BTAF1: variants seen among roughly 807,000 people sequenced by gnomAD.
BTAF1 encodes the protein B-TFIID TATA-box binding protein associated factor 1, also known as TATA-binding protein-associated factor 172.
Under a neutral mutation model 227.1 loss-of-function variants are expected in BTAF1, and 38 were observed. The ratio of observed to expected loss-of-function variants is 0.17; its 90% CI spans 0.13 to 0.22. The LOEUF (loss-of-function observed/expected upper bound fraction) is 0.22, where lower values mean the gene tolerates loss of function less well. Ranked by LOEUF, BTAF1 falls within the 10% of genes least tolerant of loss-of-function variation. The probability of loss-of-function intolerance (pLI) is 1.00; values close to 1 mark genes in which losing one functional copy is unlikely to be tolerated. For missense variants in BTAF1, 1,598 were observed against 2,204.0 expected (o/e 0.73, Z 5.51); for synonymous variants, 742 against 751.9 (o/e 0.99, Z 0.21).
rs748237391 is a variant in BTAF1, at chr10:91,989,629, TGTTTTTGTTTAC to T, written c.2854+50_2854+61del. On this transcript the variant is annotated intron_variant, in intron 20 of 37. Transcript: ENST00000265990. ...GGGTAGAGAAATAACCTTTTAAATT[TGTTTTTGTTTAC>T]TTATGGGTATAATTTAAGCACAAAT... 3.3e-6 allele frequency: 5 copies of T among 1,492,834 alleles called. 1 individual carries two copies. In the South Asian group the frequency reaches 6.8e-5, roughly 20 times the overall value. The allele number at this position is 1,492,834 out of a possible 1,614,324, so 92.5% of individuals were successfully genotyped here. A position where few individuals can be genotyped will look rare whatever the true frequency, so the allele number is the denominator to read the frequency against.
chr10:91,924,152 A>G (rs1843667905), intron 1 of BTAF1, 62 bp downstream of exon 1: 1 of 1,584,542 alleles, frequency 6.3e-7, no homozygotes. Context: ...GTCTCCTCTT[A>G]GAGCCCCCAC....
At position 91,959,738 on chromosome 10, in the gene BTAF1, G is replaced by GTATATATATATATA. The variant is rs1421248732; in HGVS notation, c.991-46_991-45insATATATATATATAT. 6 of 359,062 alleles carry GTATATATATATATA rather than the reference G, an allele frequency of 1.7e-5. No individual in the cohort carries two copies. The African/African-American group carries it at 1.9e-4, about 11-fold the overall frequency. The allele number at this position is 359,062 out of a possible 1,614,324, so 22.2% of individuals were successfully genotyped here. ...AAAAAATGTGTGTGTGTGTGTGTGT[G>GTATATATATATATA]TGTATATATATATATATATATATAT... On this transcript the variant is annotated intron_variant, in intron 9 of 37. Transcript: ENST00000265990.
intron 14 of BTAF1, among the ~76,000 whole-genome samples, chr10:91,978,714 A>T (rs1847862086): frequency 6.6e-6 from 1 of 151,264 alleles, no homozygotes. Flanking sequence ...AATTTCTCTG[A>T]TGGACATTTC....
intron 1 of BTAF1, among the ~76,000 whole-genome samples, chr10:91,928,093 C>A (rs898960266): frequency 1.4e-5 from 2 of 141,806 alleles, no homozygotes; most frequent in African/African-American, 5.0e-5. Flanking sequence ...AAAGCTATCT[C>A]CTATAGGAAG....
chr10:91,981,918 AT>A, intron 16 of BTAF1, 126 bp downstream of exon 16: 2 of 1,363,734 alleles, frequency 1.5e-6, no homozygotes. Flanking sequence ...AGAAACCGTT[AT>A]TTTATTAGGA....
chr10:91,934,576 T>G (rs1844481405), intron 1 of BTAF1, among the ~76,000 whole-genome samples: 1 of 152,148 alleles, frequency 6.6e-6, no homozygotes, highest in Non-Finnish European at 1.5e-5. Context: ...TGCTGCCAGA[T>G]TAATCTTCCT....
chr10:91,983,832 A>G (rs1198514817), intron 18 of BTAF1, among the ~76,000 whole-genome samples: 1 of 152,066 alleles, frequency 6.6e-6, no homozygotes, highest in Non-Finnish European at 1.5e-5. Context: ...TTCAACTGTT[A>G]TCTAATAATG....
Position 91,940,071 on chromosome 10 carries a change from T to C in BTAF1, c.253+5T>C. 1 of 1,590,234 alleles carries C rather than the reference T, an allele frequency of 6.3e-7. No homozygotes were observed. The highest frequency in any genetic ancestry group is 1.1e-5 in the South Asian group (1 of 89,674). ...CAGTGCCGAGAACCAGACAAGGTGC[T>C]TTTAAGTGGAGAAAGTAGTTTTAAG... On this transcript the variant is annotated splice_donor_5th_base_variant and intron_variant, in intron 3 of 37. Coordinates refer to ENST00000265990, the MANE Select transcript of BTAF1 (RefSeq NM_003972.3).
At chr10:91,977,262 C>T (rs1294698502) in intron 14 of BTAF1, among the ~76,000 whole-genome samples, 2 of 152,072 alleles carry the variant, frequency 1.3e-5, no homozygotes, top group Admixed American at 6.5e-5. Flanking sequence ...TCTGAGTCTC[C>T]GGAAGGCAGA....
At chr10:92,003,034 G>T (rs1021807972) in intron 25 of BTAF1, among the ~76,000 whole-genome samples, 1 of 151,934 alleles carries the variant, frequency 6.6e-6, no homozygotes, top group Non-Finnish European at 1.5e-5. Flanking sequence ...GCACGCACCT[G>T]TAATCCCAGC....
At chr10:91,948,423 T>G (rs1845538192) in intron 4 of BTAF1, among the ~76,000 whole-genome samples, 2 of 151,952 alleles carry the variant, frequency 1.3e-5, no homozygotes, top group South Asian at 4.1e-4. Flanking sequence ...AGGATCTCAC[T>G]CTGTTGCCCA....
In BTAF1 at chr10:91,992,279, T is replaced by C. The variant is rs1267372952; in HGVS notation, c.3015T>C (p.Ser1005=). The C allele has an allele frequency of 2.5e-6, 4 of 1,612,070 alleles. No homozygotes were observed. The highest frequency in any genetic ancestry group is 2.2e-5 in the East Asian group (1 of 44,856). ...AAATAGCAGATCTTCCTGCAGGAAG[T>C]AGTGGAAATATTCTTGTTGAACTTG... The part of the protein sequence containing the change: ...KAQIADLPAG[S]SGNILVELDE... Residue 1005 remains serine, a synonymous_variant, in exon 21 of 38, where the codon AGT becomes AGC. Transcript: ENST00000265990.
chr10:91,935,081 G>A (rs1286178759), intron 1 of BTAF1: 1 of 151,880 alleles, frequency 6.6e-6, no homozygotes, highest in Admixed American at 6.6e-5. Flanking sequence ...CCTAGCATAG[G>A]TCACTTTTAT....
At chr10:92,001,469 G>T (rs1181908705) in intron 25 of BTAF1, among the ~76,000 whole-genome samples, 1 of 152,098 alleles carries the variant, frequency 6.6e-6, no homozygotes, top group Non-Finnish European at 1.5e-5. Flanking sequence ...AGAGTAACAA[G>T]ACCTTCTACC....
intron 1 of BTAF1, among the ~76,000 whole-genome samples, chr10:91,932,689 T>C (rs916823051): frequency 6.6e-6 from 1 of 152,228 alleles, no homozygotes; most frequent in East Asian, 1.9e-4. Context: ...TGAGAATTCA[T>C]GTGGATTTCA....
chr10:91,993,775 G>A lies in BTAF1; in HGVS notation c.3127G>A (p.Ala1043Thr). The change falls in exon 22 of 38, where the codon GCA (alanine) becomes ACA (threonine). Residue 1043 changes from alanine to threonine, a missense_variant. Transcript: ENST00000265990. The stretch of plus-strand genomic sequence containing the variant: ...AGTAAAGCATTTTGGTGGTGAAATG[G>A]CAGTGAAGTTGCCACATCTCTGGGA... The part of the protein sequence containing the change: ...TIVKHFGGEM[A>T]VKLPHLWDAM... 1 of 1,609,050 alleles carries A rather than the reference G, an allele frequency of 6.2e-7. No individual in the cohort carries two copies. Among genetic ancestry groups the A allele is most frequent in the Non-Finnish European group, 8.5e-7 (1 of 1,176,982 alleles).
At chr10:91,991,795 G>GTATATA (rs1489317546) in intron 20 of BTAF1, among the ~76,000 whole-genome samples, 42 of 5,622 alleles carry the variant, frequency 7.5e-3, no homozygotes, top group African/African-American at 9.7e-3. Context: ...GTGTGTGTGT[G>GTATATA]TGTATATATA....
At chr10:92,006,486 A>T (rs554967299) in intron 25 of BTAF1, among the ~76,000 whole-genome samples, 61 of 152,208 alleles carry the variant, frequency 4.0e-4, no homozygotes, top group Non-Finnish European at 5.4e-4. Context: ...TTTTGAATGG[A>T]TCTTTTATTA....
chr10:91,964,289 C>A (rs946415395), intron 13 of BTAF1, 88 bp downstream of exon 13: 13 of 1,409,566 alleles, frequency 9.2e-6, no homozygotes, highest in Non-Finnish European at 1.3e-5. Context: ...TATTTTAGCA[C>A]CTTTAAGAAT....
Sources: gnomAD v4.1 joint callset for allele counts (sites outside exome capture counted in the v4.1 genomes callset) on GRCh38, gnomAD v4.1.1 for gene constraint, MANE v1.5 for transcripts, NCBI Gene and HGNC (gene_info 2026-07-23, HGNC 2026-07-21) for gene names.